The following CSF1R variants were observed in gnomAD, a reference collection of about 807,000 sequenced individuals.
CSF1R encodes colony stimulating factor 1 receptor.
In CSF1R, 40 loss-of-function variants were observed where a neutral mutation model predicts 110.0. That is an observed-to-expected ratio of 0.36 (90% confidence interval 0.28 to 0.47). The LOEUF (loss-of-function observed/expected upper bound fraction) is 0.47. CSF1R is among the 20% of genes least tolerant of loss of function. CSF1R has a pLI of 0.99. For synonymous variants in CSF1R, 523 were observed against 503.4 expected (o/e 1.04, Z -0.52); for missense variants, 1,052 against 1,253.0 (o/e 0.84, Z 2.42).
chr5:150,079,808 G>A (rs1384850789), intron 3 of CSF1R, among the ~76,000 whole-genome samples: 3 of 152,194 alleles, frequency 2.0e-5, no homozygotes, highest in Admixed American at 2.0e-4. Context: ...TTTGTAGCAT[G>A]TCCAATGACT....
chr5:150,103,584 C>T (rs908550170), intron 1 of CSF1R, among the ~76,000 whole-genome samples: 1 of 152,204 alleles, frequency 6.6e-6, no homozygotes, highest in Non-Finnish European at 1.5e-5. Flanking sequence ...TGGAAGCAAG[C>T]CCCTAAGTGT....
intron 5 of CSF1R, among the ~76,000 whole-genome samples, chr5:150,075,213 C>T (rs1025048254): frequency 5.9e-5 from 9 of 152,200 alleles, no homozygotes; most frequent in Non-Finnish European, 1.3e-4. Context: ...TCTCTCTCAA[C>T]AATCCATCTA....
chr5:150,110,555 A>G (rs905318864), intron 1 of CSF1R, among the ~76,000 whole-genome samples: 17 of 152,258 alleles, frequency 1.1e-4, no homozygotes, highest in African/African-American at 4.1e-4. Flanking sequence ...CCATGGACCT[A>G]TGAGTATGCC....
intron 1 of CSF1R, among the ~76,000 whole-genome samples, chr5:150,099,898 GA>G (rs886979939): frequency 1.3e-5 from 2 of 151,702 alleles, no homozygotes; most frequent in African/African-American, 4.8e-5. Context: ...AAAACAATGG[GA>G]AAAAAATGTA....
intron 1 of CSF1R, among the ~76,000 whole-genome samples, chr5:150,109,087 G>A (rs1249612010): frequency 8.1e-6 from 1 of 123,966 alleles, no homozygotes; most frequent in Non-Finnish European, 1.7e-5. Flanking sequence ...AGAAATTCCA[G>A]GAGCCACATT....
chr5:150,058,237 G>A (rs1178555979), intron 14 of CSF1R: 4 of 456,312 alleles, frequency 8.8e-6, no homozygotes, highest in South Asian at 3.1e-5. Context: ...GGATGGGCCT[G>A]AGGTGGTGCA....
At chr5:150,061,258 T>C (rs1051118325) in intron 12 of CSF1R, among the ~76,000 whole-genome samples, 5 of 152,174 alleles carry the variant, frequency 3.3e-5, no homozygotes, top group Non-Finnish European at 7.4e-5. Flanking sequence ...CCCAGACTTT[T>C]TGGAGCTCAG....
chr5:150,054,147 A>G lies in CSF1R; in HGVS notation c.2841T>C (p.Ser947=), dbSNP rs148054244. 955 of 1,613,798 alleles carry G rather than the reference A, an allele frequency of 5.9e-4. 5 individuals carry two copies. In the African/African-American group the frequency reaches 0.012, roughly 20 times the overall value. The stretch of plus-strand genomic sequence containing the variant: ...GCTCGCAGCAGGTCAGGTGCTCACT[A>G]GAGCTCTCCTCCTCCAGCTCACTGC... ...SSSSELEEES[S]SEHLTCCEQG... The change falls in exon 21 of 21, where the codon TCT becomes TCC. Residue 947 remains serine (S), a synonymous_variant. Coordinates refer to ENST00000675795, the MANE Select transcript of CSF1R (RefSeq NM_001288705.3).
chr5:150,069,925 C>A lies in CSF1R; in HGVS notation c.1458G>T (p.Arg486Ser). The A allele has an allele frequency of 6.2e-7, 1 of 1,614,052 alleles. No homozygotes were observed. Among genetic ancestry groups the A allele is most frequent in the Non-Finnish European group, 8.5e-7 (1 of 1,179,974 alleles). The change falls in exon 9 of 21, where the codon AGG becomes AGT. Residue 486 changes from arginine (R) to serine (S), a missense_variant. By Grantham distance (110) the Arg-to-Ser change is moderately radical. Coordinates refer to ENST00000675795, the MANE Select transcript of CSF1R (RefSeq NM_001288705.3). ...TLEHNQTYEC[R>S]AHNSVGSGSW... The stretch of plus-strand genomic sequence containing the variant: ...AGCCACTCCCCACGCTGTTGTGGGC[C>A]CTGCACTCGTAGGTTTGGTTGTGCT...
At position 150,080,124 on chromosome 5, in the gene CSF1R, C is replaced by T; in HGVS notation, c.520G>A (p.Asp174Asn). 6.2e-7 allele frequency: 1 copy of T among 1,614,172 alleles called. No homozygotes were observed. Among genetic ancestry groups the T allele is most frequent in the Non-Finnish European group, 8.5e-7 (1 of 1,180,054 alleles). ...IHRAKFIQSQ[D>N]YQCSALMGGR... ...CCCATCAGGGCACTGCATTGATAGT[C>T]CTGGCTCTGAATGAACTTGGCCCTG... is the stretch of plus-strand genomic sequence containing the variant. Residue 174 changes from aspartate (D) to asparagine (N), a missense_variant, in exon 3 of 21, where the codon GAC (aspartate) becomes AAC (asparagine). Transcript: ENST00000675795.
chr5:150,067,885 G>C (rs140813158), intron 10 of CSF1R, among the ~76,000 whole-genome samples: 25 of 152,194 alleles, frequency 1.6e-4, no homozygotes, highest in Non-Finnish European at 3.4e-4. Flanking sequence ...GCTGGGATCT[G>C]GCTGTATCAC....
In CSF1R at chr5:150,076,873, TG is replaced by T. The variant is rs756014736; in HGVS notation, c.889+402del. On this transcript the variant is annotated intron_variant, in intron 5 of 20. Transcript: ENST00000675795. ...GAGGCCACCTTCTCGAAGCCTGGGT[TG>T]GGGGGACTCTTCAGTGTTCCCAGGA... 3.1e-5 allele frequency: 8 copies of T among 257,332 alleles called. No individual in the cohort carries two copies. The East Asian group carries it at 5.7e-4, about 18-fold the overall frequency. 15.9% of individuals were successfully genotyped at this position (257,332 alleles called of 1,614,324 possible). A position where few individuals can be genotyped will look rare whatever the true frequency, so the allele number is the denominator to read the frequency against.
At chr5:150,081,067 T>A in intron 1 of CSF1R, 43 bp from the exon 2 acceptor site, 1 of 1,606,248 alleles carries the variant, frequency 6.2e-7, no homozygotes, top group Non-Finnish European at 8.5e-7. Context: ...AGGTCTAGGA[T>A]GCGCCCCTTG....
intron 3 of CSF1R, 97 bp from the exon 4 acceptor site, chr5:150,078,345 G>T (rs1028375142): frequency 1.4e-6 from 2 of 1,473,616 alleles, no homozygotes; most frequent in African/African-American, 2.8e-5. Context: ...CACAGGCCAG[G>T]GTCCCCATCA....
At chr5:150,090,669 A>G (rs112663588), upstream of CSF1R, among the ~76,000 whole-genome samples, 3,564 of 152,322 alleles carry the variant, frequency 0.023, 144 homozygotes, top group African/African-American at 0.082. Context: ...TTAAAAAAGA[A>G]TGAAAGTTGT....
intron 16 of CSF1R, 96 bp from the exon 17 acceptor site, chr5:150,056,437 C>T: frequency 6.6e-7 from 1 of 1,510,228 alleles, no homozygotes; most frequent in Non-Finnish European, 9.0e-7. Flanking sequence ...GCTTTGGAGT[C>T]CCTGCTGGAG....
At chr5:150,095,666 C>T (rs555806099) in intron 1 of CSF1R, among the ~76,000 whole-genome samples, 26 of 146,990 alleles carry the variant, frequency 1.8e-4, no homozygotes, top group East Asian at 5.9e-4. Flanking sequence ...AATAAAGACA[C>T]GAGCAGAAAT....
At chr5:150,077,520 T>C (rs1304435359) in intron 4 of CSF1R, 85 bp from the exon 5 acceptor site, 1 of 1,412,216 alleles carries the variant, frequency 7.1e-7, no homozygotes, top group Admixed American at 1.8e-5. Flanking sequence ...CCTTTAAGGA[T>C]TACTATCTGC....
intron 1 of CSF1R, among the ~76,000 whole-genome samples, chr5:150,092,239 G>A (rs1759067408): frequency 6.6e-6 from 1 of 152,222 alleles, no homozygotes; most frequent in Non-Finnish European, 1.5e-5. Flanking sequence ...ACAGGCTATA[G>A]TTTGCCAATC....
Sources: allele counts gnomAD v4.1 joint callset (sites outside exome capture counted in the v4.1 genomes callset), GRCh38; gene constraint gnomAD v4.1.1; transcripts MANE v1.5; gene names NCBI Gene and HGNC (gene_info 2026-07-23, HGNC 2026-07-21).